TSHZ1: variants seen among roughly 807,000 people sequenced by gnomAD.
TSHZ1 encodes teashirt homolog 1.
Under a neutral mutation model 67.1 loss-of-function variants are expected in TSHZ1, and 12 were observed. The observed-to-expected ratio is 0.18, with a 90% CI of 0.11 to 0.29. The LOEUF (loss-of-function observed/expected upper bound fraction) is 0.29. TSHZ1 is among the 10% of genes least tolerant of loss of function. The probability of loss-of-function intolerance (pLI) is 1.00; values close to 1 mark genes in which losing one functional copy is unlikely to be tolerated. For synonymous variants in TSHZ1, 632 were observed against 622.4 expected (o/e 1.02, Z -0.23); for missense variants, 1,305 against 1,413.9 (o/e 0.92, Z 1.23).
rs1429835728 is a variant in TSHZ1, at chr18:75,211,407, AGG to A, written c.-466_-465del. On this transcript the variant is annotated 5_prime_UTR_variant, in exon 1 of 2. Transcript: ENST00000580243. ...CGCGACCCCCAAACAGCGAGGAGAG[AGG>A]GGGAGAGAAAGTTGCGCTCGGCGAC... 6.6e-6 allele frequency: 1 copy of A among 151,640 alleles called. No homozygotes were observed. Among genetic ancestry groups the A allele is most frequent in the Non-Finnish European group, 1.5e-5 (1 of 67,876 alleles). The allele number at this position is 151,640 out of a possible 1,614,324, so 9.4% of individuals were successfully genotyped here.
intron 1 of TSHZ1, among the ~76,000 whole-genome samples, chr18:75,242,459 A>G (rs2023168992): frequency 6.6e-6 from 1 of 152,246 alleles, no homozygotes; most frequent in African/African-American, 2.4e-5. Context: ...AGAAACTTGC[A>G]CTGTTTTGAT....
intron 1 of TSHZ1, among the ~76,000 whole-genome samples, chr18:75,219,830 C>G (rs937984577): frequency 1.3e-5 from 2 of 152,360 alleles, no homozygotes; most frequent in East Asian, 3.9e-4. Flanking sequence ...GTACTTTGTA[C>G]TGCCTGCTGG....
At chr18:75,230,281 A>G (rs1203211890) in intron 1 of TSHZ1, among the ~76,000 whole-genome samples, 1 of 152,214 alleles carries the variant, frequency 6.6e-6, no homozygotes, top group Non-Finnish European at 1.5e-5. Context: ...GAAATTCAGC[A>G]GCTCCTGTCC....
At chr18:75,279,749 A>G (rs1274021405) in intron 1 of TSHZ1, among the ~76,000 whole-genome samples, 1 of 152,140 alleles carries the variant, frequency 6.6e-6, no homozygotes, top group East Asian at 1.9e-4. Context: ...AAACACAGTA[A>G]CAATTAATAA....
Position 75,288,480 on chromosome 18 carries a change from C to T in TSHZ1, c.3073C>T (p.Pro1025Ser), listed in dbSNP as rs141075503. 2.5e-3 allele frequency: 4,028 copies of T among 1,614,144 alleles called. 129 individuals are homozygous for T. The South Asian group carries it at 0.042, about 17-fold the overall frequency. Residue 1025 changes from proline to serine, a missense_variant, in exon 2 of 2, where the codon CCA (proline) becomes TCA (serine). Around this residue, in one of 3 missense-constraint regions of TSHZ1, gnomAD observed 909 missense variants for 961.8 expected, o/e 0.95. Transcript: ENST00000580243. The surrounding 1 kb of genome is among the most constrained non-coding windows in gnomAD (Gnocchi z 4.9). ...SKVLTNKTLG[P>S]LGATEEDLGS... ...AGTCCTCACCAACAAAACTCTGGGC[C>T]CACTGGGGGCCACCGAGGAAGACTT... is the stretch of plus-strand genomic sequence containing the variant.
intron 1 of TSHZ1, among the ~76,000 whole-genome samples, chr18:75,217,630 G>A (rs2022787455): frequency 6.6e-6 from 1 of 152,146 alleles, no homozygotes; most frequent in South Asian, 2.1e-4. Context: ...GCCTTTGTTG[G>A]GCTGCGTTCG....
chr18:75,257,950 C>T (rs544939749), intron 1 of TSHZ1, among the ~76,000 whole-genome samples: 2 of 152,294 alleles, frequency 1.3e-5, no homozygotes, highest in East Asian at 3.9e-4. Context: ...GGGCTGTGGA[C>T]GTCACAGCCT....
intron 1 of TSHZ1, among the ~76,000 whole-genome samples, chr18:75,258,263 C>T (rs924836180): frequency 3.3e-5 from 5 of 152,178 alleles, no homozygotes; most frequent in African/African-American, 7.2e-5. Flanking sequence ...CTGCAAGTGC[C>T]GCACCCCCAA....
chr18:75,219,085 TG>T lies in TSHZ1; in HGVS notation c.40+7170del, dbSNP rs145825163. The stretch of plus-strand genomic sequence containing the variant: ...GTGAATACCTTCATGGTGAAGGGAT[TG>T]AAACAGTTGAAATAATTTTTTAATG... On this transcript the variant is annotated intron_variant, in intron 1 of 1. Coordinates refer to ENST00000580243, the MANE Select transcript of TSHZ1 (RefSeq NM_001308210.2). Among the ~76,000 whole-genome samples the T allele has an allele frequency of 8.7e-3, 1,323 of 152,328 alleles. 23 individuals are homozygous for T. The highest frequency in any genetic ancestry group is 0.03 in the African/African-American group (1,231 of 41,564).
At chr18:75,253,752 G>C (rs2023331854) in intron 1 of TSHZ1, among the ~76,000 whole-genome samples, 1 of 152,214 alleles carries the variant, frequency 6.6e-6, no homozygotes, top group Non-Finnish European at 1.5e-5. Context: ...TTAGGCATGA[G>C]GGAAAGGACC....
chr18:75,282,107 G>A (rs963760262), intron 1 of TSHZ1, among the ~76,000 whole-genome samples: 3 of 152,190 alleles, frequency 2.0e-5, no homozygotes, highest in African/African-American at 7.2e-5. Flanking sequence ...TTCTCGTTCT[G>A]TGGATCTGTG....
chr18:75,256,474 A>G (rs2023363158), intron 1 of TSHZ1, among the ~76,000 whole-genome samples: 1 of 152,208 alleles, frequency 6.6e-6, no homozygotes, highest in South Asian at 2.1e-4. Context: ...TAAATAAGAT[A>G]TGATATCATT....
At chr18:75,242,323 G>T (rs375017789) in intron 1 of TSHZ1, among the ~76,000 whole-genome samples, 45 of 152,304 alleles carry the variant, frequency 3.0e-4, no homozygotes, top group Non-Finnish European at 5.6e-4. Context: ...AGTGACACAC[G>T]AGCTGGCTGG....
chr18:75,213,393 A>G (rs2022724168), intron 1 of TSHZ1, among the ~76,000 whole-genome samples: 1 of 152,248 alleles, frequency 6.6e-6, no homozygotes, highest in African/African-American at 2.4e-5. Flanking sequence ...CCCAAATAAT[A>G]TAGCTCAGTG....
At chr18:75,212,437 C>G (rs2122506189) in intron 1 of TSHZ1, among the ~76,000 whole-genome samples, 2 of 151,786 alleles carry the variant, frequency 1.3e-5, no homozygotes, top group Middle Eastern at 6.8e-3. Flanking sequence ...CTAAAGATGT[C>G]TTTTGATCAG....
intron 1 of TSHZ1, among the ~76,000 whole-genome samples, chr18:75,269,267 C>T (rs1267791795): frequency 6.6e-6 from 1 of 152,194 alleles, no homozygotes; most frequent in East Asian, 1.9e-4. Context: ...TCTGCTCATT[C>T]TGTAATTCAC....
chr18:75,246,403 G>GGTGTGTGCGTGTGTGTGTGTGT (rs2023222924), intron 1 of TSHZ1, among the ~76,000 whole-genome samples: 1 of 108,372 alleles, frequency 9.2e-6, no homozygotes, highest in Admixed American at 1.0e-4. Flanking sequence ...TTTGGTTTCT[G>GGTGTGTGCGTGTGTGTGTGTGT]GTGTGTGTGT....
rs1568369515 is a variant in TSHZ1, at chr18:75,285,666, C to G, written c.259C>G (p.His87Asp). 6.2e-7 allele frequency: 1 copy of G among 1,613,940 alleles called. No homozygotes were observed. The highest frequency in any genetic ancestry group is 1.7e-5 in the Admixed American group (1 of 60,000). The change falls in exon 2 of 2, where the codon CAT (histidine) becomes GAT (aspartate). Residue 87 changes from histidine (H) to aspartate (D), a missense_variant. Physicochemically the swap from His to Asp is moderately conservative, Grantham distance 81. This residue lies in a region of TSHZ1 where 358 missense variants were observed against 375.6 expected (regional missense o/e 0.95). Coordinates refer to ENST00000580243, the MANE Select transcript of TSHZ1 (RefSeq NM_001308210.2). The part of the protein sequence containing the change: ...PFSESSDQLA[H>D]FKGSSSREEK... ...CAGTGAGAGCAGCGACCAGCTAGCCCATTTCAAAGGCTCTTCCTCTCGAGA... is the reference window on the plus strand; with the variant it reads ...CAGTGAGAGCAGCGACCAGCTAGCCGATTTCAAAGGCTCTTCCTCTCGAGA...
At position 75,214,661 on chromosome 18, in the gene TSHZ1, A is replaced by G. The variant is rs184490787; in HGVS notation, c.40+2745A>G. Among the ~76,000 whole-genome samples, 18 of 152,316 alleles carry G rather than the reference A, an allele frequency of 1.2e-4. No homozygotes were observed. The East Asian group carries it at 3.1e-3, about 26-fold the overall frequency. ...TGGATGACAGATGTAGAATAGCAATACTTCACAGTGATGAGAGAGGAAGGG... is the reference window on the plus strand; with the variant it reads ...TGGATGACAGATGTAGAATAGCAATGCTTCACAGTGATGAGAGAGGAAGGG... On this transcript the variant is annotated intron_variant, in intron 1 of 1. Transcript: ENST00000580243.
Sources: gnomAD v4.1 joint callset for allele counts (sites outside exome capture counted in the v4.1 genomes callset) on GRCh38, gnomAD v4.1.1 for gene constraint, gnomAD v4.1.1 regional missense constraint, Gnocchi (gnomAD v3.1) non-coding constraint, MANE v1.5 for transcripts, NCBI Gene and HGNC (gene_info 2026-07-23, HGNC 2026-07-21) for gene names.